DDO: variants seen among roughly 807,000 people sequenced by gnomAD.
The protein encoded by DDO is D-aspartate oxidase, DDO.
Under a neutral mutation model 16.8 loss-of-function variants are expected in DDO, and 16 were observed. The observed-to-expected ratio is 0.95, with a 90% CI of 0.65 to 1.45. DDO has a LOEUF of 1.45. Among genes scored for constraint, DDO ranks in the 40% most tolerant of loss-of-function variants. The pLI is 0.00. For missense variants in DDO, 429 were observed against 420.3 expected (o/e 1.02, Z -0.18); for synonymous variants, 180 against 167.2 (o/e 1.08, Z -0.59).
Position 110,396,472 on chromosome 6 carries a change from C to T in DDO, c.459-3130G>A, listed in dbSNP as rs117258314. On this transcript the variant is annotated intron_variant, in intron 4 of 4. Coordinates refer to ENST00000368924, the MANE Select transcript of DDO (RefSeq NM_001372108.2). ...TCCTATTAAATGCAAGCTGCATTGCCAGCATCAATGCTTCAAACAACAGAA... is the reference window on the plus strand; with the variant it reads ...TCCTATTAAATGCAAGCTGCATTGCTAGCATCAATGCTTCAAACAACAGAA... 4.6e-5 allele frequency among the ~76,000 whole-genome samples: 7 copies of T among 152,310 alleles called. No homozygotes were observed. In the East Asian group the frequency reaches 1.3e-3, roughly 29 times the overall value.
chr6:110,388,663 T>C (rs916846981), downstream of DDO: 6 of 305,190 alleles, frequency 2.0e-5, no homozygotes, highest in Admixed American at 6.5e-5. Context: ...GCATAACCTT[T>C]GCCTGCTGAA....
intron 2 of DDO, 73 bp from the exon 3 acceptor site, chr6:110,408,515 C>T (rs1387511212): frequency 2.9e-6 from 4 of 1,372,308 alleles, no homozygotes; most frequent in African/African-American, 2.9e-5. Context: ...AAATAAGCTC[C>T]TTCCTAGAAA....
chr6:110,392,187 A>G lies in DDO; in HGVS notation c.*588T>C, dbSNP rs1773120279. On this transcript the variant is annotated 3_prime_UTR_variant, in exon 5 of 5. Transcript: ENST00000368924. ...TGTAATAATCCAGCACTGTGTGAGCACAATGTAATTTTATTTAGAGGAATT... is the reference window on the plus strand; with the variant it reads ...TGTAATAATCCAGCACTGTGTGAGCGCAATGTAATTTTATTTAGAGGAATT... The G allele has an allele frequency of 4.1e-6, 4 of 985,428 alleles. No individual in the cohort carries two copies. The highest frequency in any genetic ancestry group is 4.8e-6 in the Non-Finnish European group (4 of 829,906). 61.0% of individuals were successfully genotyped at this position (985,428 alleles called of 1,614,324 possible). A position where few individuals can be genotyped will look rare whatever the true frequency, so the allele number is the denominator to read the frequency against.
chr6:110,392,236 TAAG>T lies in DDO; in HGVS notation c.*536_*538del, dbSNP rs574020532. 2 of 985,340 alleles carry T rather than the reference TAAG, an allele frequency of 2.0e-6. No individual in the cohort carries two copies. Among genetic ancestry groups the T allele is most frequent in the Admixed American group, 6.1e-5 (1 of 16,272 alleles). 61.0% of individuals were successfully genotyped at this position (985,340 alleles called of 1,614,324 possible). On this transcript the variant is annotated 3_prime_UTR_variant, in exon 5 of 5. Coordinates refer to ENST00000368924, the MANE Select transcript of DDO (RefSeq NM_001372108.2). ...TTATGTTGCTGACTTGGCTATAACC[TAAG>T]AAGATCACAGGCAGCTCTGCAATTG...
Position 110,398,429 on chromosome 6 carries a change from T to TACAAACACACCA in DDO, c.459-5088_459-5087insTGGTGTGTTTGT, listed in dbSNP as rs1222174948. Among the ~76,000 whole-genome samples the TACAAACACACCA allele has an allele frequency of 6.2e-3, 903 of 144,844 alleles. 8 individuals are homozygous for TACAAACACACCA. Among genetic ancestry groups the TACAAACACACCA allele is most frequent in the African/African-American group, 0.011 (412 of 37,802 alleles). On this transcript the variant is annotated intron_variant, in intron 4 of 4. Coordinates refer to ENST00000368924, the MANE Select transcript of DDO (RefSeq NM_001372108.2). ...ACACACACACACACACACACACACT[T>TACAAACACACCA]GGCCTCCCAGGAGCAGAGTCCCCTC...
intron 2 of DDO, among the ~76,000 whole-genome samples, chr6:110,411,378 C>A (rs60106600): frequency 0.12 from 17,526 of 151,282 alleles, 1,225 homozygotes; most frequent in Middle Eastern, 0.18. Flanking sequence ...AATCAAAAAA[C>A]AAAAACAAAA....
At chr6:110,407,141 A>G (rs925281333) in intron 3 of DDO, among the ~76,000 whole-genome samples, 2 of 152,222 alleles carry the variant, frequency 1.3e-5, no homozygotes, top group Non-Finnish European at 2.9e-5. Context: ...AAGGCTATAT[A>G]CTTACGCCAA....
At chr6:110,413,255 T>G in intron 2 of DDO, 36 bp downstream of exon 2, 8 of 1,600,826 alleles carry the variant, frequency 5.0e-6, no homozygotes, top group Non-Finnish European at 6.8e-6. Flanking sequence ...CTATCTGACA[T>G]CTATTGTATC....
intron 4 of DDO, among the ~76,000 whole-genome samples, chr6:110,400,344 G>GGGGTGA (rs1303613533): frequency 1.1e-5 from 1 of 87,212 alleles, no homozygotes; most frequent in Admixed American, 1.1e-4. Flanking sequence ...GGAGCGGGCC[G>GGGGTGA]GGGCGGGGAC....
At chr6:110,408,303 C>T (rs375396914) in intron 3 of DDO, 31 bp downstream of exon 3, 137 of 1,594,632 alleles carry the variant, frequency 8.6e-5, no homozygotes, top group Non-Finnish European at 1.1e-4. Flanking sequence ...TCATGCTACA[C>T]TCTAAAATAA....
rs779565141 is a variant in DDO, at chr6:110,408,431, G to A, written c.184C>T (p.His62Tyr). The A allele has an allele frequency of 6.2e-7, 1 of 1,614,116 alleles. No homozygotes were observed. Among genetic ancestry groups the A allele is most frequent in the Non-Finnish European group, 8.5e-7 (1 of 1,180,004 alleles). Reference sequence around the variant, plus strand: ...TCTCTGAACCACTGCTTCTGCGTGTGAATGGGTGTATCTGTAATCATGGAG... The same window carrying A: ...TCTCTGAACCACTGCTTCTGCGTGTAAATGGGTGTATCTGTAATCATGGAG... Reference protein sequence around the residue: ...IPHTYPDTPIHTQKQWFRETF... With the variant: ...IPHTYPDTPIYTQKQWFRETF... Residue 62 changes from histidine to tyrosine, a missense_variant, in exon 3 of 5, where the codon CAC becomes TAC. By Grantham distance (83) the His-to-Tyr change is moderately conservative. Transcript: ENST00000368924.
At chr6:110,390,869 T>C (rs1773086885), downstream of DDO, among the ~76,000 whole-genome samples, 1 of 152,222 alleles carries the variant, frequency 6.6e-6, no homozygotes, top group African/African-American at 2.4e-5. Flanking sequence ...ATTTCTCAAA[T>C]ACTTAAAACA....
chr6:110,402,444 C>T (rs1013880648), intron 4 of DDO, among the ~76,000 whole-genome samples: 67 of 152,162 alleles, frequency 4.4e-4, no homozygotes, highest in African/African-American at 1.6e-3. Context: ...ACGGGTGGAT[C>T]ACCTGAGGTC....
intron 3 of DDO, 126 bp from the exon 4 acceptor site, chr6:110,405,076 A>C: frequency 1.0e-6 from 1 of 977,646 alleles, no homozygotes; most frequent in South Asian, 1.7e-5. Flanking sequence ...TCACTCCATC[A>C]CCCAGGTGGG....
chr6:110,413,742 T>C (rs1185023076), intron 1 of DDO, among the ~76,000 whole-genome samples: 1 of 152,158 alleles, frequency 6.6e-6, no homozygotes, highest in Non-Finnish European at 1.5e-5. Flanking sequence ...TAGGTCTGCA[T>C]TTGGAGGAGT....
intron 4 of DDO, among the ~76,000 whole-genome samples, chr6:110,399,860 C>A (rs574848271): frequency 6.6e-6 from 1 of 152,358 alleles, no homozygotes; most frequent in Admixed American, 6.5e-5. Flanking sequence ...TCTCAGCCGC[C>A]TTCCTGGCGG....
intron 4 of DDO, among the ~76,000 whole-genome samples, chr6:110,403,893 A>G (rs1773562344): frequency 6.6e-6 from 1 of 152,218 alleles, no homozygotes. Context: ...GATATATATA[A>G]GCGTTCAACA....
chr6:110,390,940 A>G (rs527945240), downstream of DDO, among the ~76,000 whole-genome samples: 1 of 152,060 alleles, frequency 6.6e-6, no homozygotes, highest in African/African-American at 2.4e-5. Context: ...AAGCACGCAC[A>G]CTCTATATAC....
In DDO at chr6:110,393,117, TG is replaced by T; in HGVS notation, c.683del (p.Thr228AsnfsTer4). On this transcript the variant is annotated frameshift_variant, in exon 5 of 5. Coordinates refer to ENST00000368924, the MANE Select transcript of DDO (RefSeq NM_001372108.2). LOFTEE classifies it low-confidence loss of function (END_TRUNC). Reference protein sequence around the residue: ...GSGLTYIYPGTSHVTLGGTRQ... With the variant: ...GSGLTYIYPGXSHVTLGGTRQ... The stretch of plus-strand genomic sequence containing the variant: ...TAGTTCCACCTAGGGTTACATGGGA[TG>T]TACCAGGATAAATATATGTCAGCCC... 6.2e-7 allele frequency: 1 copy of T among 1,613,986 alleles called. No individual in the cohort carries two copies. The highest frequency in any genetic ancestry group is 1.1e-5 in the South Asian group (1 of 91,086).
Sources: gnomAD v4.1 joint callset for allele counts (sites outside exome capture counted in the v4.1 genomes callset) on GRCh38, gnomAD v4.1.1 for gene constraint, MANE v1.5 for transcripts, NCBI Gene and HGNC (gene_info 2026-07-23, HGNC 2026-07-21) for gene names.